The following NLRP7 variants were observed in gnomAD, a reference collection of about 807,000 sequenced individuals.
The protein encoded by NLRP7 is NACHT, LRR and PYD domains-containing protein 7.
Under a neutral mutation model 85.5 loss-of-function variants are expected in NLRP7, and 72 were observed. The observed-to-expected ratio is 0.84, with a 90% CI of 0.70 to 1.02. The LOEUF is 1.02. Ranked by LOEUF, NLRP7 falls within the 50% of genes least tolerant of loss-of-function variation. The pLI is 0.00. For synonymous variants in NLRP7, 550 were observed against 505.2 expected, an observed-to-expected ratio of 1.09 and a Z score of -1.19; for missense variants, 1,243 against 1,219.5, an observed-to-expected ratio of 1.02 and a Z score of -0.29.
At chr19:54,925,284 CCAA>C (rs746639721) in intron 9 of NLRP7, among the ~76,000 whole-genome samples, 5 of 152,134 alleles carry the variant, frequency 3.3e-5, no homozygotes, top group South Asian at 2.1e-4. Context: ...CTCGGTCCCA[CCAA>C]CAAGAGAAGC....
chr19:54,962,297 C>T (rs1411156190), intron 1 of NLRP7, among the ~76,000 whole-genome samples: 28 of 131,196 alleles, frequency 2.1e-4, no homozygotes, highest in Non-Finnish European at 2.7e-4. Flanking sequence ...GACAGAGTTT[C>T]GCTCTTGTTG....
intron 6 of NLRP7, among the ~76,000 whole-genome samples, chr19:54,935,301 G>A (rs942978714): frequency 6.6e-6 from 1 of 151,910 alleles, no homozygotes; most frequent in African/African-American, 2.4e-5. Context: ...ATGATCACAG[G>A]TCACCACAAC....
exon 8 of NLRP7, chr19:54,933,578 T>G: frequency 6.2e-7 from 1 of 1,614,210 alleles, no homozygotes; most frequent in Non-Finnish European, 8.5e-7. Flanking sequence ...CACCAAGGTC[T>G]GCAGTTTACA....
chr19:54,964,463 G>C (rs973958293), intron 1 of NLRP7, among the ~76,000 whole-genome samples: 32 of 151,464 alleles, frequency 2.1e-4, no homozygotes, highest in Non-Finnish European at 4.6e-4. Context: ...TGATCCACCT[G>C]CCTCGGCCTC....
rs142163492 is a variant in NLRP7, at chr19:54,941,704, G to A, written c.8C>T (p.Ser3Leu). The A allele has an allele frequency of 3.3e-5, 53 of 1,612,176 alleles. No individual in the cohort carries two copies. Among genetic ancestry groups the A allele is most frequent in the Non-Finnish European group, 4.0e-5 (47 of 1,178,986 alleles). ...CTGCAGAGTCCACTCTAGCTGGGGC[G>A]ATGTCATAGTGCTCCGAGTATGAGA... Residue 3 changes from serine (S) to leucine (L), a missense_variant, in exon 2 of 10, where the codon TCG becomes TTG. By Grantham distance (145) the Ser-to-Leu change is moderately radical (BLOSUM62 -2). Around this residue, in one of 3 missense-constraint regions of NLRP7, gnomAD observed 591 missense variants for 563.3 expected, o/e 1.05. Transcript: ENST00000340844.
At chr19:54,927,875 T>G in intron 9 of NLRP7, 100 bp from the exon 10 acceptor site, 1 of 994,206 alleles carries the variant, frequency 1.0e-6, no homozygotes. Flanking sequence ...GTGGATCACT[T>G]GAGGCCAGGT....
In NLRP7 at chr19:54,934,646, A is replaced by G. The variant is rs2068826442; in HGVS notation, c.2314T>C (p.Cys772Arg). The change falls in exon 7 of 10, where the codon TGT (cysteine) becomes CGT (arginine). Residue 772 changes from cysteine to arginine, a missense_variant. Transcript: ENST00000340844. This position sits in a 1 kb window ranked among gnomAD's most constrained non-coding sequence, Gnocchi z 6.7. ...TCAGCCCACTGCTCCGGGGTGGCAC[A>G]GTGACCTCCCAACCTGTGAAAAGAG... 1 of 1,613,446 alleles carries G rather than the reference A, an allele frequency of 6.2e-7. No individual in the cohort carries two copies.
upstream of NLRP7, chr19:54,947,591 G>C: frequency 7.8e-7 from 1 of 1,289,550 alleles, no homozygotes; most frequent in South Asian, 1.2e-5. Context: ...GGGTGGAACC[G>C]CCCCACTGAG....
chr19:54,953,596 G>A (rs191747414), intron 1 of NLRP7, among the ~76,000 whole-genome samples: 2 of 149,620 alleles, frequency 1.3e-5, no homozygotes, highest in Middle Eastern at 3.4e-3. Context: ...TGGGGCGCGG[G>A]GCTGTCTGCT....
rs10418277 is a variant in NLRP7 at position 54,939,682 on chromosome 19, C to G, written c.1137G>C (p.Lys379Asn). ...GGCAGGTGGGGACCGGGTCCTCCCC[C>G]TTCTCCATCTGCAGCTTCAGAGTCG... Residue 379 changes from lysine (K) to asparagine (N), a missense_variant, in exon 4 of 10, where the codon AAG becomes AAC. Physicochemically the swap from Lys to Asn is moderately conservative, Grantham distance 94. Transcript: ENST00000340844. 2.4e-3 allele frequency: 3,881 copies of G among 1,612,818 alleles called. 67 individuals are homozygous for G. Among genetic ancestry groups the G allele is most frequent in the East Asian group, 0.015 (682 of 44,832 alleles).
chr19:54,938,999 C>G, exon 4 of NLRP7: 1 of 1,614,204 alleles, frequency 6.2e-7, no homozygotes, highest in East Asian at 2.2e-5. Flanking sequence ...GCTGAAGGAA[C>G]AATGCATCAC....
Position 54,961,182 on chromosome 19 carries a change from G to A in NLRP7, c.-77+4858C>T, listed in dbSNP as rs549189993. Among the ~76,000 whole-genome samples the A allele has an allele frequency of 8.6e-5, 13 of 151,934 alleles. No homozygotes were observed. The East Asian group carries it at 1.2e-3, about 14-fold the overall frequency. On this transcript the variant is annotated intron_variant, in intron 1 of 2. Coordinates refer to the NLRP7 transcript ENST00000587103. ...GAGCCCAGGAGTTCAAGACCGGCCC[G>A]GTGTACAAAGTGAGACCCAGTCTCT...
intron 9 of NLRP7, among the ~76,000 whole-genome samples, chr19:54,924,201 C>T (rs772604615): frequency 6.6e-6 from 1 of 152,126 alleles, no homozygotes; most frequent in Non-Finnish European, 1.5e-5. Flanking sequence ...CTTCTGGCCT[C>T]AAGTGATCCA....
intron 9 of NLRP7, among the ~76,000 whole-genome samples, chr19:54,926,010 A>T (rs2068419536): frequency 6.6e-6 from 1 of 151,746 alleles, no homozygotes; most frequent in South Asian, 2.1e-4. Flanking sequence ...CTCAAAAAAA[A>T]GACAGATTCA....
At chr19:54,948,100 T>G (rs1476980077), upstream of NLRP7, among the ~76,000 whole-genome samples, 1 of 152,112 alleles carries the variant, frequency 6.6e-6, no homozygotes, top group East Asian at 1.9e-4. Flanking sequence ...TAGCCATGCA[T>G]AGGCTGGGCG....
chr19:54,941,759 A>G lies in NLRP7; in HGVS notation c.-39-9T>C, dbSNP rs899596039. On this transcript the variant is annotated splice_polypyrimidine_tract_variant and intron_variant, in intron 1 of 9. Transcript: ENST00000340844. ...AGGTTAAGGCTGAAGAACTGGGGGG[A>G]AAAAAGGAAAAACAGTTCACGAGTT... 12 of 1,573,484 alleles carry G rather than the reference A, an allele frequency of 7.6e-6. No individual in the cohort carries two copies. The highest frequency in any genetic ancestry group is 1.4e-5 in the African/African-American group (1 of 72,796).
chr19:54,948,334 C>T (rs1036897758), upstream of NLRP7, among the ~76,000 whole-genome samples: 11 of 152,012 alleles, frequency 7.2e-5, no homozygotes, highest in Admixed American at 3.3e-4. Context: ...GAGTGAGGCA[C>T]GATCACGCCA....
chr19:54,958,214 G>T (rs2069921978), intron 1 of NLRP7, among the ~76,000 whole-genome samples: 1 of 152,220 alleles, frequency 6.6e-6, no homozygotes, highest in Non-Finnish European at 1.5e-5. Flanking sequence ...GAAGGAGAGA[G>T]AGACAGAGAG....
intron 9 of NLRP7, among the ~76,000 whole-genome samples, chr19:54,924,829 A>G (rs2068365487): frequency 6.6e-6 from 1 of 152,252 alleles, no homozygotes; most frequent in Admixed American, 6.5e-5. Flanking sequence ...CCAGCTACTC[A>G]GGAGGCTGAG....
Sources: allele counts gnomAD v4.1 joint callset (sites outside exome capture counted in the v4.1 genomes callset), GRCh38; gene constraint gnomAD v4.1.1; regional missense constraint gnomAD v4.1.1; non-coding constraint Gnocchi (gnomAD v3.1); transcripts MANE v1.5; gene names NCBI Gene and HGNC (gene_info 2026-07-23, HGNC 2026-07-21).